ETS1: variants seen among roughly 807,000 people sequenced by gnomAD.
ETS1 encodes protein C-ets-1.
Under a neutral mutation model 58.6 loss-of-function variants are expected in ETS1, and 15 were observed. That is an observed-to-expected ratio of 0.26 (90% CI 0.17 to 0.39). The LOEUF is 0.39. ETS1 is among the 10% of genes least tolerant of loss of function. The probability of loss-of-function intolerance (pLI) is 1.00; values close to 1 mark genes in which losing one functional copy is unlikely to be tolerated. For synonymous variants in ETS1, 214 were observed against 218.2 expected, an observed-to-expected ratio of 0.98 and a Z score of 0.17; for missense variants, 417 against 610.5, an observed-to-expected ratio of 0.68 and a Z score of 3.34.
rs907835912 is a variant in ETS1, at chr11:128,544,950, C to T, written c.214+11341G>A. ...ACTGTGGGTAGCTTCAAGGGTATAA[C>T]CTTTCAGAAACTTCTTAGGGTTTAG... is the stretch of plus-strand genomic sequence containing the variant. On this transcript the variant is annotated intron_variant, in intron 3 of 9. Coordinates refer to ENST00000392668, the MANE Select transcript of ETS1 (RefSeq NM_001143820.2). 2.0e-5 allele frequency among the ~76,000 whole-genome samples: 3 copies of T among 151,590 alleles called. No individual in the cohort carries two copies. In the East Asian group the frequency reaches 5.8e-4, roughly 29 times the overall value.
At chr11:128,586,795 A>G (rs1350034955) in intron 1 of ETS1, among the ~76,000 whole-genome samples, 2 of 152,228 alleles carry the variant, frequency 1.3e-5, no homozygotes, top group Non-Finnish European at 2.9e-5. Flanking sequence ...ACGGCCAGAT[A>G]AAATCACCGG....
At chr11:128,496,856 G>T (rs1053864887) in intron 3 of ETS1, among the ~76,000 whole-genome samples, 3 of 152,020 alleles carry the variant, frequency 2.0e-5, no homozygotes, top group Non-Finnish European at 4.4e-5. Flanking sequence ...AAGAAGGGAG[G>T]GAAGTGTCCC....
intron 3 of ETS1, among the ~76,000 whole-genome samples, chr11:128,523,134 TCTC>T (rs1182897393): frequency 6.6e-6 from 1 of 152,180 alleles, no homozygotes; most frequent in Non-Finnish European, 1.5e-5. Flanking sequence ...TTTCACAGAC[TCTC>T]CTCTTTTAGA....
intron 3 of ETS1, among the ~76,000 whole-genome samples, chr11:128,541,375 G>C (rs150644279): frequency 1.4e-4 from 21 of 152,270 alleles, no homozygotes; most frequent in African/African-American, 5.1e-4. Context: ...ATCTAACTGA[G>C]GACCAAGACA....
rs201641356 is a variant in ETS1, at chr11:128,463,488, C to G, written c.1242+21G>C. 1.7e-4 allele frequency: 233 copies of G among 1,341,258 alleles called. No individual in the cohort carries two copies. Among genetic ancestry groups the G allele is most frequent in the Non-Finnish European group, 2.4e-4 (223 of 931,278 alleles). 83.1% of individuals were successfully genotyped at this position (1,341,258 alleles called of 1,614,324 possible). On this transcript the variant is annotated intron_variant, in intron 9 of 9. Coordinates refer to ENST00000392668, the MANE Select transcript of ETS1 (RefSeq NM_001143820.2). The surrounding 1 kb of genome is among the most constrained non-coding windows in gnomAD (Gnocchi z 4.1). ...TCTCATCCTTCCTCAACACAGTACT[C>G]GCAAGCCCCTCCTTCCTTACCTCAT...
chr11:128,557,209 T>C (rs1864326332), intron 2 of ETS1, among the ~76,000 whole-genome samples: 1 of 152,142 alleles, frequency 6.6e-6, no homozygotes, highest in South Asian at 2.1e-4. Context: ...CATGCAATTG[T>C]AAAATGAAAA....
At chr11:128,498,216 G>C (rs1466254267) in intron 3 of ETS1, among the ~76,000 whole-genome samples, 1 of 151,882 alleles carries the variant, frequency 6.6e-6, no homozygotes, top group African/African-American at 2.4e-5. Context: ...TTGGCTACTT[G>C]ATTATACTGA....
intron 2 of ETS1, among the ~76,000 whole-genome samples, chr11:128,563,860 G>A (rs1226975452): frequency 6.6e-6 from 1 of 152,198 alleles, no homozygotes; most frequent in African/African-American, 2.4e-5. Context: ...CACCTGGCAG[G>A]TGCTCAATTA....
chr11:128,554,886 A>T (rs1372380957), intron 3 of ETS1, among the ~76,000 whole-genome samples: 1 of 152,206 alleles, frequency 6.6e-6, no homozygotes, highest in Non-Finnish European at 1.5e-5. Context: ...ATTTTAAAGG[A>T]TCACTTTTCT....
intron 1 of ETS1, among the ~76,000 whole-genome samples, chr11:128,586,805 G>A (rs1232628470): frequency 6.6e-6 from 1 of 152,202 alleles, no homozygotes; most frequent in Admixed American, 6.5e-5. Context: ...AAAATCACCG[G>A]ATGCAGAGGA....
In ETS1 at chr11:128,550,018, C is replaced by T. The variant is rs556369794; in HGVS notation, c.214+6273G>A. ...AGAAAAGCAGCGTTTATTTATTGGT[C>T]CCCTGCGATAGGCCACGACCTTTTA... On this transcript the variant is annotated intron_variant, in intron 3 of 9. Coordinates refer to ENST00000392668, the MANE Select transcript of ETS1 (RefSeq NM_001143820.2). Among the ~76,000 whole-genome samples, 4 of 152,344 alleles carry T rather than the reference C, an allele frequency of 2.6e-5. No individual in the cohort carries two copies. The South Asian group carries it at 8.3e-4, about 32-fold the overall frequency.
At chr11:128,586,063 C>A (rs1248372717) in intron 1 of ETS1, among the ~76,000 whole-genome samples, 5 of 152,162 alleles carry the variant, frequency 3.3e-5, no homozygotes, top group Non-Finnish European at 7.3e-5. Flanking sequence ...AGGAGCCTGC[C>A]GGGCAAAGAT....
intron 1 of ETS1, among the ~76,000 whole-genome samples, chr11:128,586,064 G>A (rs187843652): frequency 2.6e-5 from 4 of 152,260 alleles, no homozygotes; most frequent in African/African-American, 7.2e-5. Flanking sequence ...GGAGCCTGCC[G>A]GGCAAAGATG....
At chr11:128,472,764 CAGTTG>C (rs1470419455) in intron 8 of ETS1, among the ~76,000 whole-genome samples, 2 of 152,198 alleles carry the variant, frequency 1.3e-5, no homozygotes, top group East Asian at 3.8e-4. Context: ...AATGGAGCTG[CAGTTG>C]AGGGCTCTTT....
intron 1 of ETS1, among the ~76,000 whole-genome samples, chr11:128,586,631 A>C (rs1591686205): frequency 6.6e-6 from 1 of 152,374 alleles, no homozygotes; most frequent in South Asian, 2.1e-4. Context: ...ATTAAAAACA[A>C]AAACTTACCC....
Position 128,475,622 on chromosome 11 carries a change from G to C in ETS1, c.1123+4569C>G, listed in dbSNP as rs749712155. 3.6e-4 allele frequency among the ~76,000 whole-genome samples: 51 copies of C among 143,196 alleles called. 1 individual carries two copies. The highest frequency in any genetic ancestry group is 5.5e-4 in the Non-Finnish European group (37 of 66,728). The allele number at this position is 143,196 out of a possible 152,430, so 93.9% of individuals were successfully genotyped here. The stretch of plus-strand genomic sequence containing the variant: ...ACCCAGGCTGGAGTGTGCGATCTCG[G>C]CTCACTGCAAGCTCCGCCTCCTGGG... On this transcript the variant is annotated intron_variant, in intron 8 of 9. Transcript: ENST00000392668.
chr11:128,583,731 T>C (rs7119990), intron 1 of ETS1, among the ~76,000 whole-genome samples: 2,807 of 152,232 alleles, frequency 0.018, 93 homozygotes, highest in African/African-American at 0.061. Flanking sequence ...AATTTATATA[T>C]TTTTTCCTCC....
chr11:128,498,807 A>C (rs1863010035), intron 3 of ETS1, among the ~76,000 whole-genome samples: 1 of 152,232 alleles, frequency 6.6e-6, no homozygotes, highest in Non-Finnish European at 1.5e-5. Context: ...GAATCATTTA[A>C]GCTTCTTAAA....
At chr11:128,500,021 A>G (rs1438460059) in intron 3 of ETS1, among the ~76,000 whole-genome samples, 1 of 152,232 alleles carries the variant, frequency 6.6e-6, no homozygotes. Context: ...ACACAGAGAC[A>G]GGCCTCTTCC....
Sources: gnomAD v4.1 joint callset for allele counts (sites outside exome capture counted in the v4.1 genomes callset) on GRCh38, gnomAD v4.1.1 for gene constraint, Gnocchi (gnomAD v3.1) non-coding constraint, MANE v1.5 for transcripts, NCBI Gene and HGNC (gene_info 2026-07-23, HGNC 2026-07-21) for gene names.